The following NKAIN3 variants were observed in gnomAD, a reference collection of about 807,000 sequenced individuals.
The protein encoded by NKAIN3 is sodium/potassium transporting ATPase interacting 3.
A neutral mutation model predicts 30.2 loss-of-function variants in NKAIN3; 25 were observed. The observed-to-expected ratio is 0.83, with a 90% confidence interval of 0.60 to 1.16. The LOEUF is 1.16. Ranked by LOEUF, NKAIN3 falls within the 50% of genes most tolerant of loss-of-function variation. NKAIN3 has a pLI of 0.00. For missense variants in NKAIN3, 225 were observed against 254.1 expected, an observed-to-expected ratio of 0.89 and a Z score of 0.78; for synonymous variants, 91 against 89.6, an observed-to-expected ratio of 1.02 and a Z score of -0.09.
chr8:62,311,277 C>A (rs1176796072), intron 1 of NKAIN3, among the ~76,000 whole-genome samples: 1 of 150,176 alleles, frequency 6.7e-6, no homozygotes. Flanking sequence ...GAGACGGGTA[C>A]TGGGTAACTG....
chr8:62,415,130 C>CTA (rs201741220), intron 1 of NKAIN3, among the ~76,000 whole-genome samples: 19,042 of 94,704 alleles, frequency 0.2, 1,570 homozygotes, highest in East Asian at 0.46. Context: ...ATATAATATA[C>CTA]TATAGTATAT....
intron 1 of NKAIN3, among the ~76,000 whole-genome samples, chr8:62,508,247 C>T (rs6472035): frequency 0.63 from 95,290 of 152,016 alleles, 31,441 homozygotes; most frequent in South Asian, 0.79. Flanking sequence ...CACGTGATGA[C>T]CCCGAATCAT....
intron 1 of NKAIN3, among the ~76,000 whole-genome samples, chr8:62,365,014 C>CT (rs1473962938): frequency 1.3e-5 from 2 of 151,948 alleles, no homozygotes; most frequent in Non-Finnish European, 2.9e-5. Context: ...AATATTAAAT[C>CT]TAACAAGCAA....
At chr8:62,805,018 T>G (rs1014038734) in intron 4 of NKAIN3, among the ~76,000 whole-genome samples, 159 of 152,026 alleles carry the variant, frequency 1.0e-3, no homozygotes, top group Non-Finnish European at 1.7e-3. Context: ...CAGACAAACA[T>G]AGAGCCAAAT....
chr8:62,712,490 G>T (rs1052733886), intron 3 of NKAIN3, among the ~76,000 whole-genome samples: 3 of 152,064 alleles, frequency 2.0e-5, no homozygotes, highest in Non-Finnish European at 4.4e-5. Context: ...TGCCTCTGCT[G>T]AGTCATGCAG....
rs78145493 is a variant in NKAIN3 at position 62,997,717 on chromosome 8, T to C, written c.533-1514T>C. Among the ~76,000 whole-genome samples the C allele has an allele frequency of 2.0e-5, 3 of 151,328 alleles. No individual in the cohort carries two copies. The East Asian group carries it at 5.9e-4, about 30-fold the overall frequency. ...GTAAAGTGTTTAATTAGGGCTATTATTAGTTTTCAATTTACCAAATAAATG... is the reference window on the plus strand; with the variant it reads ...GTAAAGTGTTTAATTAGGGCTATTACTAGTTTTCAATTTACCAAATAAATG... On this transcript the variant is annotated intron_variant, in intron 5 of 5. Transcript: ENST00000519049.
At chr8:62,451,017 T>C (rs779299019) in intron 1 of NKAIN3, among the ~76,000 whole-genome samples, 3 of 152,200 alleles carry the variant, frequency 2.0e-5, no homozygotes, top group Non-Finnish European at 4.4e-5. Context: ...GTGGAGCAGA[T>C]TAATTATGTT....
At chr8:62,595,171 T>C (rs951476707) in intron 3 of NKAIN3, among the ~76,000 whole-genome samples, 35 of 151,962 alleles carry the variant, frequency 2.3e-4, no homozygotes, top group Admixed American at 2.0e-4. Context: ...AAAGTCATGG[T>C]TAATATTTTT....
At chr8:62,333,515 A>T (rs1815425876) in intron 1 of NKAIN3, among the ~76,000 whole-genome samples, 1 of 152,100 alleles carries the variant, frequency 6.6e-6, no homozygotes, top group Non-Finnish European at 1.5e-5. Context: ...CAGTGCCCTT[A>T]CTGGAATCTT....
chr8:62,836,127 A>G (rs778312590), intron 4 of NKAIN3, among the ~76,000 whole-genome samples: 4 of 152,098 alleles, frequency 2.6e-5, no homozygotes, highest in Admixed American at 2.0e-4. Flanking sequence ...GTGGAAGCTA[A>G]ACATTGGGTA....
At chr8:62,930,929 A>T (rs1456707449) in intron 5 of NKAIN3, among the ~76,000 whole-genome samples, 1 of 151,734 alleles carries the variant, frequency 6.6e-6, no homozygotes, top group Non-Finnish European at 1.5e-5. Flanking sequence ...GGATGATCTC[A>T]ATCTCCTTAC....
At chr8:62,580,962 C>T (rs1327881132) in intron 2 of NKAIN3, among the ~76,000 whole-genome samples, 1 of 145,584 alleles carries the variant, frequency 6.9e-6, no homozygotes, top group Non-Finnish European at 1.5e-5. Flanking sequence ...CAAAAAGTAG[C>T]CAGACATTGG....
intron 1 of NKAIN3, among the ~76,000 whole-genome samples, chr8:62,273,433 A>G (rs1452561405): frequency 1.3e-5 from 2 of 152,226 alleles, no homozygotes; most frequent in African/African-American, 4.8e-5. Context: ...AAAAGGCCCT[A>G]TACCATATAC....
chr8:62,418,402 T>C (rs1159652663), intron 1 of NKAIN3, among the ~76,000 whole-genome samples: 2 of 152,076 alleles, frequency 1.3e-5, no homozygotes, highest in African/African-American at 2.4e-5. Flanking sequence ...ATGAAGTAAA[T>C]CAATTATTTT....
chr8:62,613,208 G>T (rs1056316312), intron 3 of NKAIN3, among the ~76,000 whole-genome samples: 3 of 152,028 alleles, frequency 2.0e-5, no homozygotes, highest in Non-Finnish European at 4.4e-5. Context: ...GACAGGCCTG[G>T]TATTTATGAA....
At chr8:62,731,955 A>G (rs77024535) in intron 3 of NKAIN3, among the ~76,000 whole-genome samples, 1,976 of 146,704 alleles carry the variant, frequency 0.013, 14 homozygotes, top group Admixed American at 0.019. Context: ...TTGAGATTTC[A>G]TTTTTTTTTT....
chr8:62,486,243 G>T lies in NKAIN3; in HGVS notation c.55-93296G>T, dbSNP rs1457459266. Among the ~76,000 whole-genome samples the T allele has an allele frequency of 1.3e-5, 2 of 152,280 alleles. 1 individual carries two copies. Among genetic ancestry groups the T allele is most frequent in the South Asian group, 4.1e-4 (2 of 4,828 alleles). Reference sequence around the variant, plus strand: ...ATCGGTTGAGACAGATAGAGTGGACGTTCTAAGTGAAGAGAGTTCAATAAG... The same window carrying T: ...ATCGGTTGAGACAGATAGAGTGGACTTTCTAAGTGAAGAGAGTTCAATAAG... On this transcript the variant is annotated intron_variant, in intron 1 of 6. Transcript: ENST00000623646.
intron 1 of NKAIN3, among the ~76,000 whole-genome samples, chr8:62,277,706 T>C (rs1813010644): frequency 6.6e-6 from 1 of 152,202 alleles, no homozygotes; most frequent in Non-Finnish European, 1.5e-5. Flanking sequence ...TCAGATGGAT[T>C]TTGGATATGG....
At chr8:62,863,336 G>A in intron 4 of NKAIN3, 1 of 1,548,574 alleles carries the variant, frequency 6.5e-7, no homozygotes. Context: ...CCTGCTTTCT[G>A]CCCCTCAGTG....
Sources: allele counts gnomAD v4.1 joint callset (sites outside exome capture counted in the v4.1 genomes callset), GRCh38; gene constraint gnomAD v4.1.1; transcripts MANE v1.5; gene names NCBI Gene and HGNC (gene_info 2026-07-23, HGNC 2026-07-21).